The following KIR2DL3 variants were observed in gnomAD, a reference collection of about 807,000 sequenced individuals.
KIR2DL3 encodes the protein killer cell immunoglobulin like receptor, two Ig domains and long cytoplasmic tail 3, also known as killer cell immunoglobulin-like receptor 2DL3.
KIR2DL3 carries 39 observed loss-of-function variants against 33.8 expected under a neutral mutation model. That is an observed-to-expected ratio of 1.15 (90% CI 0.89 to 1.51). The LOEUF (loss-of-function observed/expected upper bound fraction) is 1.51, where lower values mean the gene tolerates loss of function less well. KIR2DL3 is among the 40% of genes most tolerant of loss of function. The pLI is 0.00. For synonymous variants in KIR2DL3, 174 were observed against 160.2 expected (o/e 1.09, Z -0.65); for missense variants, 462 against 426.2 (o/e 1.08, Z -0.74).
intron 3 of KIR2DL3, 40 bp downstream of exon 3, chr19:54,742,319 G>T (rs757405121): frequency 2.9e-5 from 46 of 1,609,932 alleles, no homozygotes; most frequent in Non-Finnish European, 3.7e-5. Flanking sequence ...TTGGGATGCA[G>T]AGTGAATGAT....
At chr19:54,744,951 TA>T (rs1418023287) in intron 4 of KIR2DL3, among the ~76,000 whole-genome samples, 202 of 30,526 alleles carry the variant, frequency 6.6e-3, no homozygotes, top group African/African-American at 0.011. Context: ...TATATATATA[TA>T]TATTTTTTTT....
In KIR2DL3 at chr19:54,752,114, C is replaced by T. The variant is rs566846043; in HGVS notation, c.821-102C>T. On this transcript the variant is annotated intron_variant, in intron 6 of 7. Coordinates refer to ENST00000342376, the MANE Select transcript of KIR2DL3 (RefSeq NM_015868.3). ...GAGTCTGCTGTTGGCAACTGAGGGA[C>T]CTCAGGCTCCTATGGTCTCCCCCTG... The T allele has an allele frequency of 2.0e-4, 257 of 1,277,850 alleles. 55 individuals carry two copies. The South Asian group carries it at 3.5e-3, about 17-fold the overall frequency. 79.2% of individuals were successfully genotyped at this position (1,277,850 alleles called of 1,614,324 possible). A position where few individuals can be genotyped will look rare whatever the true frequency, so the allele number is the denominator to read the frequency against.
In KIR2DL3 at chr19:54,741,355, A is replaced by C. The variant is rs1219569251; in HGVS notation, c.71-625A>C. On this transcript the variant is annotated intron_variant, in intron 2 of 7. Transcript: ENST00000342376. ...ACTCTGTCTCCATAATTAATTAATT[A>C]ATTAAAGAAACCAAACAAGGAGAAG... 5.3e-5 allele frequency among the ~76,000 whole-genome samples: 8 copies of C among 151,352 alleles called. No homozygotes were observed. The Admixed American group carries it at 5.3e-4, about 10-fold the overall frequency.
At chr19:54,747,455 G>A in intron 5 of KIR2DL3, 70 bp downstream of exon 5, 1 of 1,537,348 alleles carries the variant, frequency 6.5e-7, no homozygotes, top group African/African-American at 1.4e-5. Context: ...TGCAGGCATT[G>A]ACTCAGCATC....
Position 54,740,372 on chromosome 19 carries a change from G to C in KIR2DL3, c.70+830G>C, listed in dbSNP as rs368220737. 2.4e-4 allele frequency among the ~76,000 whole-genome samples: 36 copies of C among 151,998 alleles called. 1 individual carries two copies. The East Asian group carries it at 3.5e-3, about 15-fold the overall frequency. ...TCTTATCTTGGGTTTAACAACTTCA[G>C]TCTGTAAAAGGAAGGTGGGGTGCCT... is the stretch of plus-strand genomic sequence containing the variant. On this transcript the variant is annotated intron_variant, in intron 2 of 7. Transcript: ENST00000342376.
intron 4 of KIR2DL3, 122 bp downstream of exon 4, chr19:54,744,210 G>A (rs2071804269): frequency 3.4e-6 from 5 of 1,463,994 alleles, no homozygotes; most frequent in East Asian, 4.6e-5. Context: ...TGGGTGTGAG[G>A]GAGGGATCAG....
chr19:54,746,777 G>C (rs2072560373), intron 4 of KIR2DL3, among the ~76,000 whole-genome samples: 4 of 150,102 alleles, frequency 2.7e-5, no homozygotes, highest in South Asian at 4.3e-4. Flanking sequence ...GAGGCCAGGA[G>C]TTCAAGATTA....
intron 5 of KIR2DL3, among the ~76,000 whole-genome samples, chr19:54,750,370 G>T (rs2073227583): frequency 7.1e-6 from 1 of 141,826 alleles, no homozygotes; most frequent in African/African-American, 2.7e-5. Flanking sequence ...CCGAGGGGGT[G>T]GTCCTTCCCC....
At chr19:54,747,975 T>G (rs1048788792) in intron 5 of KIR2DL3, among the ~76,000 whole-genome samples, 3 of 146,494 alleles carry the variant, frequency 2.0e-5, no homozygotes, top group African/African-American at 7.5e-5. Context: ...AACAAAACGG[T>G]TTTTTAATTA....
At chr19:54,745,758 C>G (rs572411201) in intron 4 of KIR2DL3, among the ~76,000 whole-genome samples, 1 of 151,706 alleles carries the variant, frequency 6.6e-6, no homozygotes, top group East Asian at 1.9e-4. Flanking sequence ...TCTCCTTTCT[C>G]TACCACTTTG....
intron 4 of KIR2DL3, among the ~76,000 whole-genome samples, chr19:54,744,870 T>TTATATATATATATATATATATA (rs1185648350): frequency 5.5e-4 from 43 of 78,384 alleles, no homozygotes; most frequent in Non-Finnish European, 8.7e-4. Context: ...ATAAATACAT[T>TTATATATATATATATATATATA]TATATATATA....
At position 54,750,259 on chromosome 19, in the gene KIR2DL3, T is replaced by C. The variant is rs2073206118; in HGVS notation, c.716-1390T>C. 1.5e-5 allele frequency among the ~76,000 whole-genome samples: 2 copies of C among 134,776 alleles called. 1 individual carries two copies. The highest frequency in any genetic ancestry group is 5.6e-5 in the African/African-American group (2 of 35,520). The allele number at this position is 134,776 out of a possible 152,430, so 88.4% of individuals were successfully genotyped here. ...AGGTAAACATTGATACTCCTTGGAGTGAGTCCAGATCTTGGAATCAGAGAT... is the reference window on the plus strand; with the variant it reads ...AGGTAAACATTGATACTCCTTGGAGCGAGTCCAGATCTTGGAATCAGAGAT... On this transcript the variant is annotated intron_variant, in intron 5 of 7. Coordinates refer to ENST00000342376, the MANE Select transcript of KIR2DL3 (RefSeq NM_015868.3).
At chr19:54,738,806 GC>G (rs1375634217) in intron 1 of KIR2DL3, among the ~76,000 whole-genome samples, 1 of 150,660 alleles carries the variant, frequency 6.6e-6, no homozygotes, top group Non-Finnish European at 1.5e-5. Flanking sequence ...GGAGACATGG[GC>G]CTGGAGATGG....
At chr19:54,748,825 C>T (rs1296951674) in intron 5 of KIR2DL3, among the ~76,000 whole-genome samples, 1 of 148,682 alleles carries the variant, frequency 6.7e-6, no homozygotes, top group Admixed American at 6.8e-5. Context: ...GGATGTTTCA[C>T]CACGTTGGCC....
chr19:54,744,359 G>C (rs540499784), intron 4 of KIR2DL3, among the ~76,000 whole-genome samples: 1 of 152,050 alleles, frequency 6.6e-6, no homozygotes, highest in African/African-American at 2.4e-5. Flanking sequence ...GGCTCAGTTT[G>C]GGAAGATCAG....
Position 54,744,173 on chromosome 19 carries a change from G to A in KIR2DL3, c.664+85G>A, listed in dbSNP as rs1384806268. The A allele has an allele frequency of 6.3e-6, 10 of 1,576,216 alleles. No homozygotes were observed. In the African/African-American group the frequency reaches 6.8e-5, roughly 11 times the overall value. On this transcript the variant is annotated intron_variant, in intron 4 of 7. Transcript: ENST00000342376. Reference sequence around the variant, plus strand: ...TCCTGCTGATGATGGAGAGAAGCATGGACAGATGCAGAGAGAAGACGAAGC... The same window carrying A: ...TCCTGCTGATGATGGAGAGAAGCATAGACAGATGCAGAGAGAAGACGAAGC...
At chr19:54,750,701 G>A (rs72487173) in intron 5 of KIR2DL3, among the ~76,000 whole-genome samples, 2,677 of 115,362 alleles carry the variant, frequency 0.023, no homozygotes, top group South Asian at 0.057. Flanking sequence ...TCACTCCAGG[G>A]AGACAGAACA....
At position 54,742,019 on chromosome 19, in the gene KIR2DL3, C is replaced by A. The variant is rs1555897648; in HGVS notation, c.110C>A (p.Pro37His). 14 of 1,494,798 alleles carry A rather than the reference C, an allele frequency of 9.4e-6. No homozygotes were observed. In the Admixed American group the frequency reaches 1.1e-4, roughly 12 times the overall value. 92.6% of individuals were successfully genotyped at this position (1,494,798 alleles called of 1,614,324 possible). A position where few individuals can be genotyped will look rare whatever the true frequency, so the allele number is the denominator to read the frequency against. ...CCTTCCCTCCTGGCCCACCCAGGTC[C>A]CCTGGTGAAATCAGAAGAGACAGTC... ...RKPSLLAHPG[P>H]LVKSEETVIL... is the part of the protein sequence containing the mutation. The change falls in exon 3 of 8, where the codon CCC becomes CAC. Residue 37 changes from proline (P) to histidine (H), a missense_variant. By Grantham distance (77) the Pro-to-His change is moderately conservative. Coordinates refer to ENST00000342376, the MANE Select transcript of KIR2DL3 (RefSeq NM_015868.3).
chr19:54,748,523 T>C lies in KIR2DL3; in HGVS notation c.715+1138T>C, dbSNP rs974961232. On this transcript the variant is annotated intron_variant, in intron 5 of 7. Coordinates refer to ENST00000342376, the MANE Select transcript of KIR2DL3 (RefSeq NM_015868.3). Reference sequence around the variant, plus strand: ...GGCTTCTGCCCTTGGGACACTGATATTGCAGATGGTTAAATGGGAGGGCAG... The same window carrying C: ...GGCTTCTGCCCTTGGGACACTGATACTGCAGATGGTTAAATGGGAGGGCAG... Among the ~76,000 whole-genome samples the C allele has an allele frequency of 7.0e-3, 1,019 of 146,458 alleles. 7 individuals carry two copies. Among genetic ancestry groups the C allele is most frequent in the African/African-American group, 0.024 (967 of 39,834 alleles).
Sources: gnomAD v4.1 joint callset for allele counts (sites outside exome capture counted in the v4.1 genomes callset) on GRCh38, gnomAD v4.1.1 for gene constraint, MANE v1.5 for transcripts, NCBI Gene and HGNC (gene_info 2026-07-23, HGNC 2026-07-21) for gene names.